Variants in DENND1B observed in about 807,000 individuals in gnomAD.
DENND1B encodes DENN domain containing 1B.
A neutral mutation model predicts 90.1 loss-of-function variants in DENND1B; 59 were observed. The observed-to-expected ratio is 0.65, with a 90% CI of 0.53 to 0.81. The LOEUF (loss-of-function observed/expected upper bound fraction) is 0.81. Ranked by LOEUF, DENND1B falls within the 40% of genes least tolerant of loss-of-function variation. The pLI is 0.00. For synonymous variants in DENND1B, 337 were observed against 324.6 expected, an observed-to-expected ratio of 1.04 and a Z score of -0.41; for missense variants, 862 against 912.6, an observed-to-expected ratio of 0.94 and a Z score of 0.71.
Position 197,510,542 on chromosome 1 carries a change from ACTT to A in DENND1B, c.2243_2245del (p.Glu748del), listed in dbSNP as rs1176620132. 1.2e-6 allele frequency: 2 copies of A among 1,612,474 alleles called. No individual in the cohort carries two copies. Among genetic ancestry groups the A allele is most frequent in the Admixed American group, 1.7e-5 (1 of 59,760 alleles). The stretch of plus-strand genomic sequence containing the variant: ...AGATGTCATATGACATAATGACACT[ACTT>A]CATGGAGCAGTCCAATATCTTCTGA... On this transcript the variant is annotated inframe_deletion, in exon 23 of 23. Transcript: ENST00000620048.
chr1:197,743,139 T>C (rs1663372207), intron 2 of DENND1B, among the ~76,000 whole-genome samples: 2 of 152,162 alleles, frequency 1.3e-5, no homozygotes, highest in Non-Finnish European at 2.9e-5. Context: ...ATTAACATGA[T>C]ATTAACAAGA....
At chr1:197,555,004 A>T (rs1012302375) in intron 15 of DENND1B, among the ~76,000 whole-genome samples, 1 of 152,070 alleles carries the variant, frequency 6.6e-6, no homozygotes, top group African/African-American at 2.4e-5. Flanking sequence ...AAGGGAACAG[A>T]ATAGAGACAC....
chr1:197,601,490 A>C, intron 13 of DENND1B, among the ~76,000 whole-genome samples: 1 of 151,470 alleles, frequency 6.6e-6, no homozygotes, highest in East Asian at 1.9e-4. Flanking sequence ...AATTGCAAAT[A>C]ATTTTAACAG....
At chr1:197,743,798 C>A (rs1246954812) in intron 2 of DENND1B, among the ~76,000 whole-genome samples, 5 of 152,084 alleles carry the variant, frequency 3.3e-5, no homozygotes, top group African/African-American at 7.2e-5. Flanking sequence ...GCCTGGGCAA[C>A]ATAGCAAGAC....
At chr1:197,697,084 CA>C (rs778684569) in intron 3 of DENND1B, among the ~76,000 whole-genome samples, 5,172 of 78,748 alleles carry the variant, frequency 0.066, 132 homozygotes, top group African/African-American at 0.11. Context: ...AGAAATTCCA[CA>C]AAAAAAAAAA....
intron 7 of DENND1B, among the ~76,000 whole-genome samples, chr1:197,648,661 G>A (rs548510098): frequency 6.6e-6 from 1 of 151,942 alleles, no homozygotes; most frequent in East Asian, 1.9e-4. Flanking sequence ...TATTCTCCTT[G>A]ACCTTTCCCT....
chr1:197,769,967 T>A (rs959284332), intron 2 of DENND1B, among the ~76,000 whole-genome samples: 2 of 152,124 alleles, frequency 1.3e-5, no homozygotes, highest in Non-Finnish European at 2.9e-5. Flanking sequence ...AAAATTTACT[T>A]TTATAGCCCT....
chr1:197,728,057 T>C (rs1661812365), intron 2 of DENND1B, among the ~76,000 whole-genome samples: 1 of 152,218 alleles, frequency 6.6e-6, no homozygotes, highest in Non-Finnish European at 1.5e-5. Flanking sequence ...TTCCCATTGT[T>C]CACAAATTAT....
chr1:197,552,713 T>G, intron 16 of DENND1B: 1 of 1,127,782 alleles, frequency 8.9e-7, no homozygotes, highest in Non-Finnish European at 1.1e-6. Flanking sequence ...AGAATACTAC[T>G]ATTCAGAAGG....
chr1:197,764,735 A>AAAAAAT (rs1301648971), intron 2 of DENND1B, among the ~76,000 whole-genome samples: 1 of 152,172 alleles, frequency 6.6e-6, no homozygotes, highest in African/African-American at 2.4e-5. Flanking sequence ...AATACATAAT[A>AAAAAAT]AAAAATAAAA....
At chr1:197,559,446 C>CACAATAA (rs1225618611) in intron 15 of DENND1B, among the ~76,000 whole-genome samples, 1 of 151,688 alleles carries the variant, frequency 6.6e-6, no homozygotes, top group East Asian at 2.0e-4. Flanking sequence ...GCTGAAGCAA[C>CACAATAA]ACAATAAACA....
At chr1:197,779,787 T>C (rs898090379), upstream of DENND1B, among the ~76,000 whole-genome samples, 1 of 151,722 alleles carries the variant, frequency 6.6e-6, no homozygotes, top group East Asian at 1.9e-4. Context: ...TTAATATATA[T>C]ACTTTAAATT....
intron 15 of DENND1B, among the ~76,000 whole-genome samples, chr1:197,578,508 G>C (rs1327177900): frequency 6.6e-6 from 1 of 152,102 alleles, no homozygotes; most frequent in African/African-American, 2.4e-5. Flanking sequence ...GCCTCACAAA[G>C]TGCTGGGATC....
intron 2 of DENND1B, among the ~76,000 whole-genome samples, chr1:197,768,104 A>C (rs1412301363): frequency 6.6e-6 from 1 of 152,106 alleles, no homozygotes; most frequent in Non-Finnish European, 1.5e-5. Context: ...CAGAATAAGT[A>C]CAACATATTA....
At chr1:197,682,328 T>C (rs1656778760) in intron 3 of DENND1B, among the ~76,000 whole-genome samples, 1 of 152,152 alleles carries the variant, frequency 6.6e-6, no homozygotes, top group East Asian at 1.9e-4. Context: ...TTCAGTTATT[T>C]GGAAGCTTTG....
At position 197,507,472 on chromosome 1, in the gene DENND1B, A is replaced by C. The variant is rs1443742101; in HGVS notation, c.*2988T>G. ...CTTAAAAAAATAGCTCCTAAATTCCAATATTATTTCTCTATACCCCTGAAA... is the reference window on the plus strand; with the variant it reads ...CTTAAAAAAATAGCTCCTAAATTCCCATATTATTTCTCTATACCCCTGAAA... On this transcript the variant is annotated 3_prime_UTR_variant, in exon 23 of 23. Transcript: ENST00000620048. The C allele has an allele frequency of 6.6e-6, 1 of 151,436 alleles. No homozygotes were observed. The highest frequency in any genetic ancestry group is 1.5e-5 in the Non-Finnish European group (1 of 67,594). The allele number at this position is 151,436 out of a possible 1,614,324, so 9.4% of individuals were successfully genotyped here.
At chr1:197,520,908 C>T (rs1322387863) in intron 20 of DENND1B, among the ~76,000 whole-genome samples, 2 of 151,892 alleles carry the variant, frequency 1.3e-5, no homozygotes, top group Middle Eastern at 6.8e-3. Context: ...ATGAAGTGAA[C>T]ATTCGTATAA....
At chr1:197,672,667 G>A (rs184840518) in intron 4 of DENND1B, among the ~76,000 whole-genome samples, 14 of 151,934 alleles carry the variant, frequency 9.2e-5, no homozygotes, top group Admixed American at 7.2e-4. Flanking sequence ...AAATACCCTT[G>A]TTATATTTTT....
chr1:197,570,084 A>G (rs1285582965), intron 15 of DENND1B, among the ~76,000 whole-genome samples: 2 of 152,052 alleles, frequency 1.3e-5, no homozygotes, highest in Non-Finnish European at 2.9e-5. Context: ...ATAAATATAT[A>G]CAATTTTTAT....
Sources: gnomAD v4.1 joint callset for allele counts (sites outside exome capture counted in the v4.1 genomes callset) on GRCh38, gnomAD v4.1.1 for gene constraint, MANE v1.5 for transcripts, NCBI Gene and HGNC (gene_info 2026-07-23, HGNC 2026-07-21) for gene names.